Variants in KCNK10 observed in about 807,000 individuals in gnomAD.
KCNK10 encodes the protein potassium two pore domain channel subfamily K member 10.
Under a neutral mutation model 47.7 loss-of-function variants are expected in KCNK10, and 25 were observed. The ratio of observed to expected loss-of-function variants is 0.52; its 90% CI spans 0.38 to 0.73. The LOEUF (loss-of-function observed/expected upper bound fraction) is 0.73. Ranked by LOEUF, KCNK10 falls within the 30% of genes least tolerant of loss-of-function variation. The probability of loss-of-function intolerance (pLI) is 0.00; values close to 1 mark genes in which losing one functional copy is unlikely to be tolerated. For synonymous variants in KCNK10, 303 were observed against 285.6 expected (o/e 1.06, Z -0.61); for missense variants, 563 against 714.5 (o/e 0.79, Z 2.42).
chr14:88,243,778 G>A (rs1192307640), intron 2 of KCNK10, among the ~76,000 whole-genome samples: 4 of 151,530 alleles, frequency 2.6e-5, no homozygotes, highest in Admixed American at 6.6e-5. Context: ...GAAATAAAGC[G>A]ACAAAAAGGG....
At chr14:88,210,408 A>C (rs956982090) in intron 4 of KCNK10, among the ~76,000 whole-genome samples, 1 of 152,224 alleles carries the variant, frequency 6.6e-6, no homozygotes. Context: ...GTTATTCGAT[A>C]ATTGTTTATC....
chr14:88,269,526 T>A (rs1887351714), intron 1 of KCNK10, among the ~76,000 whole-genome samples: 1 of 152,192 alleles, frequency 6.6e-6, no homozygotes, highest in South Asian at 2.1e-4. Flanking sequence ...TAACCTCGAA[T>A]TCCTGGCTTG....
chr14:88,301,527 C>G (rs968901305), intron 1 of KCNK10, among the ~76,000 whole-genome samples: 1 of 151,394 alleles, frequency 6.6e-6, no homozygotes, highest in African/African-American at 2.4e-5. Flanking sequence ...TATGCTACAA[C>G]AGAGGGTGCC....
intron 1 of KCNK10, among the ~76,000 whole-genome samples, chr14:88,314,488 T>C (rs905919627): frequency 2.6e-5 from 4 of 152,236 alleles, no homozygotes; most frequent in Non-Finnish European, 5.9e-5. Context: ...TATGATACAC[T>C]GCTAATAAAA....
chr14:88,229,615 T>A (rs1057133193), intron 3 of KCNK10, among the ~76,000 whole-genome samples: 1 of 152,228 alleles, frequency 6.6e-6, no homozygotes, highest in Non-Finnish European at 1.5e-5. Flanking sequence ...TTTAAATATA[T>A]TCACAGCCAT....
intron 4 of KCNK10, 26 bp downstream of exon 4, chr14:88,227,349 G>A (rs1412068000): frequency 5.1e-6 from 8 of 1,571,644 alleles, no homozygotes; most frequent in Non-Finnish European, 6.9e-6. Flanking sequence ...ACAGTGGTTA[G>A]AATTTAAATA....
Position 88,197,859 on chromosome 14 carries a change from G to GGAGAGAGA in KCNK10, c.682-5457_682-5450dup, listed in dbSNP as rs71126969. Among the ~76,000 whole-genome samples the GGAGAGAGA allele has an allele frequency of 1.3e-3, 167 of 125,416 alleles. 1 individual carries two copies. The highest frequency in any genetic ancestry group is 4.0e-3 in the African/African-American group (121 of 30,286). 82.3% of individuals were successfully genotyped at this position (125,416 alleles called of 152,430 possible). Reference sequence around the variant, plus strand: ...AAACAGAAGGAAGGAAGGAGGGAAGGGAGAGAGAGAGAGAGAGAGAGAGAG... The same window carrying GGAGAGAGA: ...AAACAGAAGGAAGGAAGGAGGGAAGGGAGAGAGAGAGAGAGAGAGAGAGAGAGAGAGAG... On this transcript the variant is annotated intron_variant, in intron 4 of 6. Coordinates refer to ENST00000319231, the MANE Select transcript of KCNK10 (RefSeq NM_138317.3).
At chr14:88,323,274 G>A, upstream of KCNK10, 1 of 986,136 alleles carries the variant, frequency 1.0e-6, no homozygotes, top group Non-Finnish European at 1.2e-6. Context: ...GCGCTTGGGC[G>A]GGCACGTCAG....
chr14:88,260,773 C>T lies in KCNK10; in HGVS notation c.402+2429G>A, dbSNP rs924894495. ...ATAACAGATGCCTAATAAAGAGCAGCTTTTTAAATTGTTATAAAATTATCT... is the reference window on the plus strand; with the variant it reads ...ATAACAGATGCCTAATAAAGAGCAGTTTTTTAAATTGTTATAAAATTATCT... On this transcript the variant is annotated intron_variant, in intron 2 of 6. Coordinates refer to ENST00000319231, the MANE Select transcript of KCNK10 (RefSeq NM_138317.3). The surrounding 1 kb of genome is among the most constrained non-coding windows in gnomAD (Gnocchi z 4.5). 6.6e-6 allele frequency among the ~76,000 whole-genome samples: 1 copy of T among 152,172 alleles called. No individual in the cohort carries two copies. The highest frequency in any genetic ancestry group is 1.5e-5 in the Non-Finnish European group (1 of 68,040).
intron 4 of KCNK10, among the ~76,000 whole-genome samples, chr14:88,197,861 A>AAAGG (rs1346370956): frequency 2.3e-5 from 1 of 43,842 alleles, no homozygotes; most frequent in African/African-American, 8.8e-5. Context: ...GAGGGAAGGG[A>AAAGG]GAGAGAGAGA....
intron 1 of KCNK10, among the ~76,000 whole-genome samples, chr14:88,318,216 T>C (rs1420123350): frequency 6.6e-6 from 1 of 152,208 alleles, no homozygotes. Flanking sequence ...CTGAGAGGCG[T>C]CCTGCAATTT....
intron 4 of KCNK10, among the ~76,000 whole-genome samples, chr14:88,218,833 TCAGCCC>T (rs1885707022): frequency 6.6e-6 from 1 of 152,170 alleles, no homozygotes; most frequent in Non-Finnish European, 1.5e-5. Context: ...GAATCCAATG[TCAGCCC>T]TCCTTCATCC....
intron 4 of KCNK10, among the ~76,000 whole-genome samples, chr14:88,192,824 T>C (rs969293623): frequency 6.6e-6 from 1 of 152,198 alleles, no homozygotes; most frequent in African/African-American, 2.4e-5. Context: ...AGTTTGGAGC[T>C]CTTTCCACAA....
At position 88,183,180 on chromosome 14, in the gene KCNK10, T is replaced by G. The variant is rs1379344148; in HGVS notation, c.*2355A>C. 6.6e-6 allele frequency: 1 copy of G among 152,224 alleles called. No homozygotes were observed. The highest frequency in any genetic ancestry group is 2.4e-5 in the African/African-American group (1 of 41,462). 9.4% of individuals were successfully genotyped at this position (152,224 alleles called of 1,614,324 possible). ...GCTGTGTGCCATTGGATAAATAACA[T>G]AGCTTCCCTGAGCCTCTGTGTCCTT... On this transcript the variant is annotated 3_prime_UTR_variant, in exon 7 of 7. Transcript: ENST00000319231.
intron 1 of KCNK10, among the ~76,000 whole-genome samples, chr14:88,272,793 G>T (rs1887437083): frequency 6.6e-6 from 1 of 152,102 alleles, no homozygotes; most frequent in South Asian, 2.1e-4. Flanking sequence ...GGAGTTTACT[G>T]GAATGTATTA....
intron 4 of KCNK10, among the ~76,000 whole-genome samples, chr14:88,200,125 C>CTCTT (rs1047850563): frequency 6.7e-6 from 1 of 148,186 alleles, no homozygotes; most frequent in African/African-American, 2.5e-5. Context: ...ATATTTATCT[C>CTCTT]TCTTTCTTTC....
chr14:88,266,343 C>T (rs774701087), intron 1 of KCNK10, among the ~76,000 whole-genome samples: 5 of 152,206 alleles, frequency 3.3e-5, no homozygotes, highest in Middle Eastern at 3.2e-3. Context: ...CAGGTGTTGT[C>T]CTCTCAGCCA....
intron 4 of KCNK10, among the ~76,000 whole-genome samples, chr14:88,197,371 A>G (rs1208966142): frequency 1.3e-5 from 2 of 152,042 alleles, no homozygotes; most frequent in Non-Finnish European, 2.9e-5. Flanking sequence ...CAGGAGTTCA[A>G]GACCTGCCTG....
chr14:88,234,482 T>G (rs1416419908), intron 3 of KCNK10, among the ~76,000 whole-genome samples: 2 of 152,218 alleles, frequency 1.3e-5, no homozygotes, highest in African/African-American at 4.8e-5. Flanking sequence ...CAAAAACCTG[T>G]GCCGCTAAAC....
Sources: allele counts gnomAD v4.1 joint callset (sites outside exome capture counted in the v4.1 genomes callset), GRCh38; gene constraint gnomAD v4.1.1; non-coding constraint Gnocchi (gnomAD v3.1); transcripts MANE v1.5; gene names NCBI Gene and HGNC (gene_info 2026-07-23, HGNC 2026-07-21).